Variants in ZNF33A observed in about 807,000 individuals in gnomAD.
The protein encoded by ZNF33A is zinc finger protein 33A.
ZNF33A carries 9 observed loss-of-function variants against 15.9 expected under a neutral mutation model. That is an observed-to-expected ratio of 0.57 (90% CI 0.34 to 0.99). The LOEUF (loss-of-function observed/expected upper bound fraction) is 0.99, where lower values mean the gene tolerates loss of function less well. ZNF33A is among the 50% of genes least tolerant of loss of function. The probability of loss-of-function intolerance (pLI) is 0.02; values close to 1 mark genes in which losing one functional copy is unlikely to be tolerated. For missense variants in ZNF33A, 843 were observed against 941.6 expected, an observed-to-expected ratio of 0.90 and a Z score of 1.37; for synonymous variants, 294 against 324.2, an observed-to-expected ratio of 0.91 and a Z score of 1.00.
chr10:38,060,617 C>T (rs1429553295), downstream of ZNF33A, among the ~76,000 whole-genome samples: 2 of 152,162 alleles, frequency 1.3e-5, no homozygotes, highest in Admixed American at 1.3e-4. Context: ...CAGTGTTCAA[C>T]CTTTCTATAG....
At chr10:38,016,771 C>T in intron 2 of ZNF33A, 100 bp from the exon 3 acceptor site, 1 of 1,354,566 alleles carries the variant, frequency 7.4e-7, no homozygotes, top group Non-Finnish European at 1.0e-6. Context: ...ATTTCTTTTT[C>T]CCTAAAAGTA....
chr10:38,064,254 T>G, downstream of ZNF33A: 1 of 733,026 alleles, frequency 1.4e-6, no homozygotes. Context: ...TAGCATGCTG[T>G]GGAAGAGACA....
chr10:38,053,709 T>A lies in ZNF33A; in HGVS notation c.251-666T>A, dbSNP rs118186862. On this transcript the variant is annotated intron_variant, in intron 4 of 4. Transcript: ENST00000432900. ...TTGATTACCCTTTGCCTCTTTAGTT[T>A]GCATACAGTCCAAGTCTCTTCTCTT... 8.5e-4 allele frequency among the ~76,000 whole-genome samples: 129 copies of A among 152,346 alleles called. 2 individuals are homozygous for A. In the East Asian group the frequency reaches 0.024, roughly 29 times the overall value.
chr10:38,054,870 A>G lies in ZNF33A; in HGVS notation c.746A>G (p.Tyr249Cys), dbSNP rs2135761379. ...AACGCAGAAGAGAATAACTGTGATT[A>G]TAATGAATTTGGGAGAACTTTGTGT... ...RENAEENNCD[Y>C]NEFGRTLCDS... is the part of the protein sequence containing the mutation. The change falls in exon 5 of 5, where the codon TAT becomes TGT. Residue 249 changes from tyrosine (Y) to cysteine (C), a missense_variant. Tyr to Cys is a radical substitution (Grantham distance 194, BLOSUM62 -2). Transcript: ENST00000432900. 1.9e-6 allele frequency: 3 copies of G among 1,613,666 alleles called. No homozygotes were observed. The highest frequency in any genetic ancestry group is 2.5e-6 in the Non-Finnish European group (3 of 1,179,990).
rs1378115128 is a variant in ZNF33A at position 38,017,006 on chromosome 10, G to A, written c.145G>A (p.Val49Ile). The change falls in exon 3 of 5, where the codon GTC (valine) becomes ATC (isoleucine). Residue 49 changes from valine (V) to isoleucine (I), a missense_variant. Coordinates refer to ENST00000432900, the MANE Select transcript of ZNF33A (RefSeq NM_006954.2). Reference sequence around the variant, plus strand: ...GATGCTGGAGAACTACAGCAACCTTGTCTCAGTGGGTAAGGTCTGTTCACT... The same window carrying A: ...GATGCTGGAGAACTACAGCAACCTTATCTCAGTGGGTAAGGTCTGTTCACT... ...DVMLENYSNL[V>I]SVGYCVHKPE... 10 of 1,604,788 alleles carry A rather than the reference G, an allele frequency of 6.2e-6. No individual in the cohort carries two copies. The highest frequency in any genetic ancestry group is 1.7e-4 in the Middle Eastern group (1 of 6,024).
At chr10:38,039,411 A>G (rs182412222) in intron 4 of ZNF33A, 4 of 412,674 alleles carry the variant, frequency 9.7e-6, no homozygotes, top group Admixed American at 8.0e-5. Flanking sequence ...TTTTTTTTGT[A>G]GAGATGGGGT....
At chr10:38,046,996 A>G (rs543145232) in intron 4 of ZNF33A, among the ~76,000 whole-genome samples, 47 of 151,972 alleles carry the variant, frequency 3.1e-4, no homozygotes, top group South Asian at 6.2e-4. Context: ...ACATGGTGAA[A>G]CCTTGTCTGT....
chr10:38,035,306 TG>T (rs2065399289), intron 4 of ZNF33A, among the ~76,000 whole-genome samples: 1 of 151,708 alleles, frequency 6.6e-6, no homozygotes, highest in Admixed American at 6.6e-5. Flanking sequence ...TTAGAAGAGA[TG>T]GGGTTTTGCC....
At chr10:38,014,122 G>A (rs1235017027) in intron 2 of ZNF33A, among the ~76,000 whole-genome samples, 4 of 132,872 alleles carry the variant, frequency 3.0e-5, no homozygotes, top group Admixed American at 8.8e-5. Context: ...GCTCACTGCA[G>A]CCTCTGCCTT....
intron 2 of ZNF33A, among the ~76,000 whole-genome samples, chr10:38,013,997 C>T (rs528643414): frequency 1.8e-4 from 25 of 140,658 alleles, no homozygotes; most frequent in African/African-American, 4.0e-4. Flanking sequence ...GTGACAGGAA[C>T]ATTTTGGCCT....
At chr10:38,048,587 G>T (rs1328271497) in intron 4 of ZNF33A, among the ~76,000 whole-genome samples, 1 of 152,124 alleles carries the variant, frequency 6.6e-6, no homozygotes, top group Admixed American at 6.5e-5. Context: ...CAAAAAGAAT[G>T]GGAAAAGATA....
In ZNF33A at chr10:38,054,966, A is replaced by G. The variant is rs2066395367; in HGVS notation, c.842A>G (p.Glu281Gly). 1 of 1,614,110 alleles carries G rather than the reference A, an allele frequency of 6.2e-7. No homozygotes were observed. Among genetic ancestry groups the G allele is most frequent in the African/African-American group, 1.3e-5 (1 of 75,058 alleles). The change falls in exon 5 of 5, where the codon GAG (glutamate) becomes GGG (glycine). Residue 281 changes from glutamate (E) to glycine (G), a missense_variant. By Grantham distance (98) the Glu-to-Gly change is moderately conservative. Transcript: ENST00000432900. ...RDNHYEFSDC[E>G]KFLCVKSTLS... ...AATCACTATGAATTTAGTGATTGTG[A>G]GAAGTTCTTATGTGTGAAGTCCACC...
chr10:38,036,012 T>G (rs752914515), intron 4 of ZNF33A, among the ~76,000 whole-genome samples: 2 of 152,168 alleles, frequency 1.3e-5, no homozygotes, highest in Non-Finnish European at 2.9e-5. Context: ...TAAAAGCATA[T>G]GAAGACCTTG....
intron 4 of ZNF33A, among the ~76,000 whole-genome samples, chr10:38,033,836 C>T (rs2065324052): frequency 6.6e-6 from 1 of 151,878 alleles, no homozygotes; most frequent in Non-Finnish European, 1.5e-5. Flanking sequence ...CCTCAGCCTC[C>T]CGAGTAGCTG....
At chr10:38,046,946 A>T in intron 4 of ZNF33A, among the ~76,000 whole-genome samples, 1 of 151,664 alleles carries the variant, frequency 6.6e-6, no homozygotes, top group East Asian at 2.0e-4. Context: ...GGCCAAGGGA[A>T]GGATCTCCTG....
intron 2 of ZNF33A, among the ~76,000 whole-genome samples, chr10:38,015,133 C>T (rs923844093): frequency 6.6e-6 from 1 of 152,088 alleles, no homozygotes; most frequent in African/African-American, 2.4e-5. Context: ...CCTTGACCTC[C>T]CAAAGTACTA....
intron 4 of ZNF33A, among the ~76,000 whole-genome samples, chr10:38,025,973 T>G (rs529374386): frequency 6.6e-6 from 1 of 152,334 alleles, no homozygotes; most frequent in South Asian, 2.1e-4. Flanking sequence ...TTATCTAGTT[T>G]GTCTCTGTGA....
At position 38,054,923 on chromosome 10, in the gene ZNF33A, A is replaced by T. The variant is rs2066391224; in HGVS notation, c.799A>T (p.Ile267Leu). The part of the protein sequence containing the change: ...CDSSSLLFHQ[I>L]SPSRDNHYEF... Reference sequence around the variant, plus strand: ...TAGTTCATCCCTCTTGTTCCATCAGATATCTCCGTCAAGGGACAATCACTA... The same window carrying T: ...TAGTTCATCCCTCTTGTTCCATCAGTTATCTCCGTCAAGGGACAATCACTA... The change falls in exon 5 of 5, where the codon ATA (isoleucine) becomes TTA (leucine). Residue 267 changes from isoleucine to leucine, a missense_variant. By Grantham distance (5) the Ile-to-Leu change is conservative. Coordinates refer to ENST00000432900, the MANE Select transcript of ZNF33A (RefSeq NM_006954.2). The T allele has an allele frequency of 6.2e-7, 1 of 1,613,956 alleles. No homozygotes were observed. The highest frequency in any genetic ancestry group is 8.5e-7 in the Non-Finnish European group (1 of 1,179,982).
intron 2 of ZNF33A, among the ~76,000 whole-genome samples, chr10:38,013,209 C>G (rs1488082905): frequency 6.6e-6 from 1 of 152,130 alleles, no homozygotes; most frequent in Non-Finnish European, 1.5e-5. Context: ...CTCCCGGGTT[C>G]AAGCGATTCT....
Sources: gnomAD v4.1 joint callset for allele counts (sites outside exome capture counted in the v4.1 genomes callset) on GRCh38, gnomAD v4.1.1 for gene constraint, MANE v1.5 for transcripts, NCBI Gene and HGNC (gene_info 2026-07-23, HGNC 2026-07-21) for gene names.